Variants in KRT19 observed in about 807,000 individuals in gnomAD.
The protein encoded by KRT19 is keratin 19.
A neutral mutation model predicts 34.6 loss-of-function variants in KRT19; 21 were observed. The ratio of observed to expected loss-of-function variants is 0.61; its 90% CI spans 0.43 to 0.87. The LOEUF (loss-of-function observed/expected upper bound fraction) is 0.87. Ranked by LOEUF, KRT19 falls within the 40% of genes least tolerant of loss-of-function variation. The pLI, the probability that KRT19 is intolerant of heterozygous loss-of-function variation, is 0.00. For synonymous variants in KRT19, 240 were observed against 245.8 expected (o/e 0.98, Z 0.22); for missense variants, 514 against 545.7 (o/e 0.94, Z 0.58).
At chr17:41,527,361 G>C (rs1905903391) in intron 1 of KRT19, among the ~76,000 whole-genome samples, 1 of 152,246 alleles carries the variant, frequency 6.6e-6, no homozygotes, top group Non-Finnish European at 1.5e-5. Context: ...CAGAGAAACG[G>C]AATGCAGGAG....
At position 41,528,190 on chromosome 17, in the gene KRT19, C is replaced by T; in HGVS notation, c.58G>A (p.Gly20Ser). 6.3e-7 allele frequency: 1 copy of T among 1,588,914 alleles called. No homozygotes were observed. The highest frequency in any genetic ancestry group is 8.5e-7 in the Non-Finnish European group (1 of 1,174,578). Residue 20 changes from glycine (G) to serine (S), a missense_variant, in exon 1 of 6, where the codon GGC becomes AGC. Physicochemically the swap from Gly to Ser is moderately conservative, Grantham distance 56 (BLOSUM62 0). Coordinates refer to ENST00000361566, the MANE Select transcript of KRT19 (RefSeq NM_002276.5). ...SATSSFGGLG[G>S]GSVRFGPGVA... ...CCCGGCCCAAAACGCACGGAGCCGC[C>T]GCCCAGGCCTCCGAAGGACGACGTG...
At chr17:41,525,125 G>A in intron 2 of KRT19, 66 bp downstream of exon 2, 1 of 1,560,432 alleles carries the variant, frequency 6.4e-7, no homozygotes, top group African/African-American at 1.4e-5. Flanking sequence ...GGTGAGGGCA[G>A]ATTCTAAACC....
chr17:41,527,792 G>C, intron 1 of KRT19, 36 bp downstream of exon 1: 1 of 1,532,250 alleles, frequency 6.5e-7, no homozygotes, highest in Non-Finnish European at 8.8e-7. Flanking sequence ...TCCGCGGCAG[G>C]TGCACTGCAC....
At chr17:41,527,097 G>A (rs985002547) in intron 1 of KRT19, among the ~76,000 whole-genome samples, 8 of 152,088 alleles carry the variant, frequency 5.3e-5, no homozygotes, top group Admixed American at 2.6e-4. Context: ...TTCCCTCTGG[G>A]TGGAGACCAA....
At position 41,523,846 on chromosome 17, in the gene KRT19, A is replaced by G. The variant is rs1222016595; in HGVS notation, c.1100T>C (p.Met367Thr). The change falls in exon 6 of 6, where the codon ATG (methionine) becomes ACG (threonine). Residue 367 changes from methionine (M) to threonine (T), a missense_variant. Physicochemically the swap from Met to Thr is moderately conservative, Grantham distance 81 (BLOSUM62 -1). Transcript: ENST00000361566. The stretch of plus-strand genomic sequence containing the variant: ...CTGCTCCAGCCGCGACTTGATGTCC[A>G]TGAGCCGCTGGTACTCCTGATTCTG... ...ERQNQEYQRL[M>T]DIKSRLEQEI... The G allele has an allele frequency of 5.0e-6, 8 of 1,614,008 alleles. No homozygotes were observed. Among genetic ancestry groups the G allele is most frequent in the East Asian group, 2.2e-5 (1 of 44,888 alleles).
rs764739300 is a variant in KRT19, at chr17:41,525,261, T to C, written c.433A>G (p.Thr145Ala). The change falls in exon 2 of 6, where the codon ACC becomes GCC. Residue 145 changes from threonine to alanine, a missense_variant. Transcript: ENST00000361566. ...AGGACAATCCTGGAGTTCTCAATGG[T>C]GGCACCAAGAATCTGGAAGGCAGAG... ...QDLRDKILGA[T>A]IENSRIVLQI... is the part of the protein sequence containing the mutation. 4.3e-6 allele frequency: 7 copies of C among 1,613,506 alleles called. No individual in the cohort carries two copies. The Admixed American group carries it at 1.2e-4, about 27-fold the overall frequency.
rs754136976 is a variant in KRT19, at chr17:41,528,213, G to A, written c.35C>T (p.Thr12Met). ...TSYSYRQSSA[T>M]SSFGGLGGGS... ...GCCGCCCAGGCCTCCGAAGGACGAC[G>A]TGGCCGACGACTGGCGATAGCTGTA... Residue 12 changes from threonine to methionine, a missense_variant, in exon 1 of 6, where the codon ACG becomes ATG. Coordinates refer to ENST00000361566, the MANE Select transcript of KRT19 (RefSeq NM_002276.5). 5.1e-6 allele frequency: 8 copies of A among 1,581,118 alleles called. No homozygotes were observed. Among genetic ancestry groups the A allele is most frequent in the Admixed American group, 3.5e-5 (2 of 57,618 alleles).
intron 1 of KRT19, among the ~76,000 whole-genome samples, chr17:41,526,658 G>A (rs1339385658): frequency 3.2e-5 from 4 of 126,446 alleles, no homozygotes; most frequent in South Asian, 2.7e-4. Flanking sequence ...TGCAGCCTCC[G>A]CCTCTTGGGT....
rs553331105 is a variant in KRT19 at position 41,524,613 on chromosome 17, C to A, written c.661-73G>T. ...GGGCCTGGCCCAGGTCACTTCCCCA[C>A]CCTTCAGGCTAAAGGGGCTTAGTTT... On this transcript the variant is annotated intron_variant, in intron 3 of 5. Transcript: ENST00000361566. The A allele has an allele frequency of 3.9e-6, 6 of 1,537,310 alleles. No homozygotes were observed. The South Asian group carries it at 6.8e-5, about 17-fold the overall frequency.
chr17:41,527,693 C>G (rs1905914770), intron 1 of KRT19, 135 bp downstream of exon 1: 7 of 947,622 alleles, frequency 7.4e-6, no homozygotes, highest in Non-Finnish European at 1.1e-5. Flanking sequence ...TCCCCCTTTA[C>G]TCGGCCCCAC....
At position 41,523,982 on chromosome 17, in the gene KRT19, C is replaced by T. The variant is rs778850224; in HGVS notation, c.964G>A (p.Asp322Asn). 2.7e-5 allele frequency: 44 copies of T among 1,610,546 alleles called. No homozygotes were observed. In the South Asian group the frequency reaches 3.6e-4, roughly 13 times the overall value. ...CGCGCCTCCGTTTCTGCCAGTGTGTCTTCCAAGGCAGCTTTCTGAGGATAG... is the reference window on the plus strand; with the variant it reads ...CGCGCCTCCGTTTCTGCCAGTGTGTTTTCCAAGGCAGCTTTCTGAGGATAG... ...SQLSMKAALEDTLAETEARFG... is the reference protein window; with the variant it reads ...SQLSMKAALENTLAETEARFG... The change falls in exon 6 of 6, where the codon GAC becomes AAC. Residue 322 changes from aspartate to asparagine, a missense_variant. Transcript: ENST00000361566.
At position 41,524,132 on chromosome 17, in the gene KRT19, G is replaced by A. The variant is rs1597780670; in HGVS notation, c.948+11C>T. On this transcript the variant is annotated intron_variant, in intron 5 of 5. Coordinates refer to ENST00000361566, the MANE Select transcript of KRT19 (RefSeq NM_002276.5). The stretch of plus-strand genomic sequence containing the variant: ...TGCACAGGGAAGCGGCGGCGGTGGG[G>A]GGACACATACCATGCTCAGCTGTGA... 2.5e-6 allele frequency: 4 copies of A among 1,612,650 alleles called. No individual in the cohort carries two copies. The highest frequency in any genetic ancestry group is 1.7e-4 in the Middle Eastern group (1 of 6,058).
Position 41,528,133 on chromosome 17 carries a change from C to A in KRT19, c.115G>T (p.Gly39Cys). 6.2e-7 allele frequency: 1 copy of A among 1,604,750 alleles called. No individual in the cohort carries two copies. ...ACGGATACGCCGCGGCCGCCGGAGC[C>A]CCCGTGAATGCTGGGCGCGCGAAAG... The part of the protein sequence containing the change: ...VAFRAPSIHG[G>C]SGGRGVSVSS... The change falls in exon 1 of 6, where the codon GGC becomes TGC. Residue 39 changes from glycine to cysteine, a missense_variant. Coordinates refer to ENST00000361566, the MANE Select transcript of KRT19 (RefSeq NM_002276.5).
In KRT19 at chr17:41,523,719, G is replaced by C. The variant is rs1905749491; in HGVS notation, c.*24C>G. The stretch of plus-strand genomic sequence containing the variant: ...CCCAGAAGACACCCTCCAAAGGACA[G>C]CAGAAGCCCCAGAGCCTGCTGCCTC... On this transcript the variant is annotated 3_prime_UTR_variant, in exon 6 of 6. Coordinates refer to ENST00000361566, the MANE Select transcript of KRT19 (RefSeq NM_002276.5). 3 of 1,611,418 alleles carry C rather than the reference G, an allele frequency of 1.9e-6. No homozygotes were observed. The highest frequency in any genetic ancestry group is 1.7e-6 in the Non-Finnish European group (2 of 1,178,086).
At position 41,528,308 on chromosome 17, in the gene KRT19, C is replaced by A; in HGVS notation, c.-61G>T. On this transcript the variant is annotated 5_prime_UTR_variant, in exon 1 of 6. Transcript: ENST00000361566. The stretch of plus-strand genomic sequence containing the variant: ...CAGAAGCTGCGATTCGCGGGAGGAG[C>A]GGCGAGGCCCTCACCTGGCGCCTTT... The A allele has an allele frequency of 6.8e-7, 1 of 1,464,806 alleles. No individual in the cohort carries two copies. Among genetic ancestry groups the A allele is most frequent in the South Asian group, 1.4e-5 (1 of 70,820 alleles). The allele number at this position is 1,464,806 out of a possible 1,614,324, so 90.7% of individuals were successfully genotyped here.
chr17:41,524,648 G>T, intron 3 of KRT19, 108 bp from the exon 4 acceptor site: 2 of 1,344,380 alleles, frequency 1.5e-6, no homozygotes, highest in Non-Finnish European at 2.1e-6. Flanking sequence ...TTCAGGTGCA[G>T]GCCTAGTAAC....
Position 41,528,122 on chromosome 17 carries a change from G to A in KRT19, c.126C>T (p.Gly42=), listed in dbSNP as rs1002846655. 3.7e-6 allele frequency: 6 copies of A among 1,605,704 alleles called. No homozygotes were observed. The highest frequency in any genetic ancestry group is 5.1e-6 in the Non-Finnish European group (6 of 1,177,986). Residue 42 remains glycine (G), a synonymous_variant, in exon 1 of 6, where the codon GGC becomes GGT. Transcript: ENST00000361566. ...RAPSIHGGSG[G]RGVSVSSARF... is the part of the protein sequence containing the mutation. ...GGGCGGAGGACACGGATACGCCGCGGCCGCCGGAGCCCCCGTGAATGCTGG... is the reference window on the plus strand; with the variant it reads ...GGGCGGAGGACACGGATACGCCGCGACCGCCGGAGCCCCCGTGAATGCTGG...
rs1374028229 is a variant in KRT19, at chr17:41,523,740, GC to G, written c.*2del. 6.2e-7 allele frequency: 1 copy of G among 1,613,186 alleles called. No individual in the cohort carries two copies. The highest frequency in any genetic ancestry group is 1.3e-5 in the African/African-American group (1 of 74,918). On this transcript the variant is annotated 3_prime_UTR_variant, in exon 6 of 6. Transcript: ENST00000361566. ...GACAGCAGAAGCCCCAGAGCCTGCT[GC>G]CTCAGAGGACCTTGGAGGCAGACAA...
rs1332741070 is a variant in KRT19 at position 41,528,081 on chromosome 17, G to A, written c.167C>T (p.Ser56Phe). Residue 56 changes from serine to phenylalanine, a missense_variant, in exon 1 of 6, where the codon TCC becomes TTC. By Grantham distance (155) the Ser-to-Phe change is radical (BLOSUM62 -2). Coordinates refer to ENST00000361566, the MANE Select transcript of KRT19 (RefSeq NM_002276.5). ...SVSSARFVSS[S>F]SSGAYGGGYG... ...GCCGCCGCCGTAGGCCCCCGAGGAG[G>A]ACGAGGACACAAAGCGGGCGGAGGA... is the stretch of plus-strand genomic sequence containing the variant. The A allele has an allele frequency of 6.2e-7, 1 of 1,610,238 alleles. No individual in the cohort carries two copies. Among genetic ancestry groups the A allele is most frequent in the Non-Finnish European group, 8.5e-7 (1 of 1,178,114 alleles).
Sources: allele counts gnomAD v4.1 joint callset (sites outside exome capture counted in the v4.1 genomes callset), GRCh38; gene constraint gnomAD v4.1.1; transcripts MANE v1.5; gene names NCBI Gene and HGNC (gene_info 2026-07-23, HGNC 2026-07-21).